The following GLE1 variants were observed in gnomAD, a reference collection of about 807,000 sequenced individuals.
The protein encoded by GLE1 is mRNA export factor GLE1.
GLE1 carries 78 observed loss-of-function variants against 97.3 expected under a neutral mutation model. The observed-to-expected ratio is 0.80, with a 90% CI of 0.67 to 0.97. GLE1 has a LOEUF of 0.97. Among genes scored for constraint, GLE1 ranks in the 50% least tolerant of loss-of-function variants. GLE1 has a pLI of 0.00. For missense variants in GLE1, 753 were observed against 857.5 expected (o/e 0.88, Z 1.52); for synonymous variants, 302 against 313.4 (o/e 0.96, Z 0.39).
chr9:128,536,272 G>A, intron 11 of GLE1, 83 bp from the exon 12 acceptor site: 1 of 1,065,480 alleles, frequency 9.4e-7, no homozygotes, highest in Non-Finnish European at 1.4e-6. Flanking sequence ...GGCCTCAAGT[G>A]ATCTGCCCAC....
intron 6 of GLE1, among the ~76,000 whole-genome samples, chr9:128,524,506 C>T (rs973415525): frequency 8.8e-5 from 13 of 147,502 alleles, no homozygotes. Flanking sequence ...GTTACAGGCA[C>T]GAGCCATTGT....
At chr9:128,527,997 TTTTTTC>T (rs1847355592) in intron 9 of GLE1, among the ~76,000 whole-genome samples, 4 of 133,054 alleles carry the variant, frequency 3.0e-5, no homozygotes, top group Admixed American at 2.9e-4. Context: ...TTTTTTTTCT[TTTTTTC>T]TTTTTTTTTT....
intron 7 of GLE1, among the ~76,000 whole-genome samples, chr9:128,525,998 T>G (rs1278790334): frequency 1.3e-5 from 2 of 151,930 alleles, no homozygotes; most frequent in African/African-American, 4.8e-5. Flanking sequence ...GGGAGTCTGG[T>G]TTTTGTTGTT....
Position 128,539,991 on chromosome 9 carries a change from A to G in GLE1, c.1965-284A>G, listed in dbSNP as rs2132540554. 4 of 735,674 alleles carry G rather than the reference A, an allele frequency of 5.4e-6. 1 individual carries two copies. The South Asian group carries it at 7.5e-5, about 14-fold the overall frequency. 45.6% of individuals were successfully genotyped at this position (735,674 alleles called of 1,614,324 possible). On this transcript the variant is annotated intron_variant, in intron 14 of 15. Transcript: ENST00000309971. ...TTGCAGCTCTTTGGGAGGCCACAGGAGGAGGATCACTTGAGCCCAGGTGTT... is the reference window on the plus strand; with the variant it reads ...TTGCAGCTCTTTGGGAGGCCACAGGGGGAGGATCACTTGAGCCCAGGTGTT...
chr9:128,522,635 TAAAAAAAAAAAAA>T lies in GLE1; in HGVS notation c.433-22_433-10del, dbSNP rs60154464. 5 of 1,266,978 alleles carry T rather than the reference TAAAAAAAAAAAAA, an allele frequency of 3.9e-6. No individual in the cohort carries two copies. The African/African-American group carries it at 8.3e-5, about 21-fold the overall frequency. 78.5% of individuals were successfully genotyped at this position (1,266,978 alleles called of 1,614,324 possible). The stretch of plus-strand genomic sequence containing the variant: ...CTGGCGACAGAGAGAGATTCCATCT[TAAAAAAAAAAAAA>T]AAAAAAAAAACCTTTTCAGGAGGGC... On this transcript the variant is annotated intron_variant, in intron 3 of 15. Coordinates refer to ENST00000309971, the MANE Select transcript of GLE1 (RefSeq NM_001003722.2).
Position 128,538,012 on chromosome 9 carries a change from AT to A in GLE1, c.1804del (p.Trp602GlyfsTer8). 6.2e-7 allele frequency: 1 copy of A among 1,611,164 alleles called. No homozygotes were observed. Among genetic ancestry groups the A allele is most frequent in the Non-Finnish European group, 8.5e-7 (1 of 1,177,310 alleles). On this transcript the variant is annotated frameshift_variant, in exon 13 of 16. Transcript: ENST00000309971. LOFTEE classifies it high-confidence loss of function. ...TTCACCCTCATGGCTTAAATCATGGATGGCGCTGGTTGGCACAGATCTTAAA... is the reference window on the plus strand; with the variant it reads ...TTCACCCTCATGGCTTAAATCATGGAGGCGCTGGTTGGCACAGATCTTAAA... ...EIHPHGLNHG[W>X]RWLAQILNME... is the part of the protein sequence containing the mutation.
chr9:128,515,785 G>A, intron 3 of GLE1, 146 bp downstream of exon 3: 3 of 676,398 alleles, frequency 4.4e-6, no homozygotes, highest in East Asian at 2.7e-5. Flanking sequence ...GAGGTCAGGA[G>A]TGAGTGCTCT....
At position 128,533,526 on chromosome 9, in the gene GLE1, G is replaced by A; in HGVS notation, c.1326G>A (p.Lys442=). The A allele has an allele frequency of 1.9e-6, 3 of 1,612,202 alleles. No homozygotes were observed. Among genetic ancestry groups the A allele is most frequent in the Non-Finnish European group, 2.5e-6 (3 of 1,178,804 alleles). The part of the protein sequence containing the change: ...QISTIAGSKL[K]EIFDKIHSLL... ...TATCATGCTCAGGCTCAAAACTGAA[G>A]GAGATCTTTGACAAGATCCACAGCC... Residue 442 remains lysine, a synonymous_variant, in exon 10 of 16, where the codon AAG becomes AAA. Transcript: ENST00000309971.
intron 1 of GLE1, among the ~76,000 whole-genome samples, chr9:128,505,197 G>C (rs1846606296): frequency 1.3e-5 from 2 of 152,168 alleles, no homozygotes; most frequent in Non-Finnish European, 2.9e-5. Flanking sequence ...AGCAATCTCG[G>C]CCCCAGGTTC....
Position 128,527,245 on chromosome 9 carries a change from AGT to A in GLE1, c.1203_1204del (p.Leu402AspfsTer3), listed in dbSNP as rs1026034826. On this transcript the variant is annotated frameshift_variant, in exon 8 of 16. Transcript: ENST00000309971. LOFTEE classifies it high-confidence loss of function. ...CAGCAGCTGCAGGATGCTTCCATGC[AGT>A]GTGTGTTGACCTTTGAGGGCCTGAC... 1.2e-6 allele frequency: 2 copies of A among 1,612,070 alleles called. No homozygotes were observed.
intron 14 of GLE1, 83 bp from the exon 15 acceptor site, chr9:128,540,192 G>A: frequency 1.0e-6 from 1 of 958,536 alleles, no homozygotes. Flanking sequence ...CTGCACTCCA[G>A]CCTAGGTGAC....
chr9:128,505,472 A>T (rs192992216), intron 1 of GLE1, among the ~76,000 whole-genome samples: 1 of 152,164 alleles, frequency 6.6e-6, no homozygotes, highest in African/African-American at 2.4e-5. Context: ...CTGCATCCTC[A>T]GACTTCTTGG....
At chr9:128,506,552 A>G (rs1846645993) in intron 1 of GLE1, among the ~76,000 whole-genome samples, 1 of 152,166 alleles carries the variant, frequency 6.6e-6, no homozygotes, top group South Asian at 2.1e-4. Flanking sequence ...TAATCCTGGA[A>G]TCAGCTATTT....
At chr9:128,518,386 C>T (rs902482243) in intron 3 of GLE1, among the ~76,000 whole-genome samples, 2 of 151,918 alleles carry the variant, frequency 1.3e-5, no homozygotes, top group Admixed American at 6.6e-5. Context: ...CACAGTAAAA[C>T]CCTGTCTCTA....
At chr9:128,527,328 T>C in intron 8 of GLE1, 37 bp downstream of exon 8, 1 of 1,351,996 alleles carries the variant, frequency 7.4e-7, no homozygotes, top group Non-Finnish European at 1.1e-6. Flanking sequence ...TTTGTGGACT[T>C]GATGGTTCTC....
intron 11 of GLE1, among the ~76,000 whole-genome samples, 178 bp downstream of exon 11, chr9:128,534,129 A>G (rs1469915425): frequency 6.6e-6 from 1 of 152,050 alleles, no homozygotes; most frequent in Non-Finnish European, 1.5e-5. Flanking sequence ...ACATTTTGGG[A>G]GGCCAAGTTG....
Position 128,527,246 on chromosome 9 carries a change from G to T in GLE1, c.1197G>T (p.Gln399His). ...WYQQLQDASM[Q>H]CVLTFEGLTN... ...AGCAGCTGCAGGATGCTTCCATGCA[G>T]TGTGTGTTGACCTTTGAGGGCCTGA... is the stretch of plus-strand genomic sequence containing the variant. The change falls in exon 8 of 16, where the codon CAG (glutamine) becomes CAT (histidine). Residue 399 changes from glutamine to histidine, a missense_variant. Gln to His is a conservative substitution (Grantham distance 24). Transcript: ENST00000309971. 1 of 1,612,068 alleles carries T rather than the reference G, an allele frequency of 6.2e-7. No individual in the cohort carries two copies. Among genetic ancestry groups the T allele is most frequent in the Non-Finnish European group, 8.5e-7 (1 of 1,178,066 alleles).
chr9:128,522,299 C>T (rs753745378), intron 3 of GLE1, among the ~76,000 whole-genome samples: 2 of 152,094 alleles, frequency 1.3e-5, no homozygotes, highest in African/African-American at 4.8e-5. Flanking sequence ...TGTTAGGGGC[C>T]GATGGGCAGG....
rs1847187823 is a variant in GLE1, at chr9:128,522,690, A to AGGAGCAGGAGAGGAAGG, written c.456_472dup (p.Val158GlyfsTer18). ...CAGGAGGGCCTGAGGCTATGGCAGG[A>AGGAGCAGGAGAGGAAGG]GGAGCAGGAGAGGAAGGTGCAAGCC... On this transcript the variant is annotated frameshift_variant, in exon 4 of 16. Coordinates refer to ENST00000309971, the MANE Select transcript of GLE1 (RefSeq NM_001003722.2). LOFTEE classifies it high-confidence loss of function. 2 of 1,539,850 alleles carry AGGAGCAGGAGAGGAAGG rather than the reference A, an allele frequency of 1.3e-6. No individual in the cohort carries two copies. The highest frequency in any genetic ancestry group is 4.7e-5 in the East Asian group (2 of 42,260).
Sources: allele counts gnomAD v4.1 joint callset (sites outside exome capture counted in the v4.1 genomes callset), GRCh38; gene constraint gnomAD v4.1.1; transcripts MANE v1.5; gene names NCBI Gene and HGNC (gene_info 2026-07-23, HGNC 2026-07-21).